The following MYO1C variants were observed in gnomAD, a reference collection of about 807,000 sequenced individuals.
The protein encoded by MYO1C is myosin IC, also known as unconventional myosin-Ic.
A neutral mutation model predicts 150.8 loss-of-function variants in MYO1C; 104 were observed. The observed-to-expected ratio is 0.69, with a 90% CI of 0.59 to 0.81. MYO1C has a LOEUF of 0.81. Ranked by LOEUF, MYO1C falls within the 30% of genes least tolerant of loss-of-function variation. MYO1C has a pLI of 0.00. For missense variants in MYO1C, 1,504 were observed against 1,435.0 expected, an observed-to-expected ratio of 1.05 and a Z score of -0.78; for synonymous variants, 663 against 579.9, an observed-to-expected ratio of 1.14 and a Z score of -2.06.
In MYO1C at chr17:1,482,500, A is replaced by G. The variant is rs374952126; in HGVS notation, c.605T>C (p.Met202Thr). 207 of 1,613,904 alleles carry G rather than the reference A, an allele frequency of 1.3e-4. No individual in the cohort carries two copies. The highest frequency in any genetic ancestry group is 1.6e-4 in the Non-Finnish European group (192 of 1,179,946). Residue 202 changes from methionine to threonine, a missense_variant, in exon 5 of 32, where the codon ATG becomes ACG. Coordinates refer to ENST00000648651, the MANE Select transcript of MYO1C (RefSeq NM_001080779.2). The part of the protein sequence containing the change: ...NDNSSRFGKY[M>T]DVQFDFKGAP... ...TACCTTGAAGTCAAACTGCACATCC[A>G]TGTACTTCCCGAACCTGCTGGAGTT... is the stretch of plus-strand genomic sequence containing the variant.
In MYO1C at chr17:1,472,155, C is replaced by G; in HGVS notation, c.1871G>C (p.Arg624Pro). 6.2e-7 allele frequency: 1 copy of G among 1,614,104 alleles called. No homozygotes were observed. Among genetic ancestry groups the G allele is most frequent in the South Asian group, 1.1e-5 (1 of 91,086 alleles). The change falls in exon 18 of 32, where the codon CGC becomes CCC. Residue 624 changes from arginine (R) to proline (P), a missense_variant. Transcript: ENST00000648651. ...ILQSKEPAYV[R>P]CIKPNDAKQP... ...TTTGGCATCATTGGGTTTGATGCAGCGGACGTAGGCGGGCTCCTTAGACTG... is the reference window on the plus strand; with the variant it reads ...TTTGGCATCATTGGGTTTGATGCAGGGGACGTAGGCGGGCTCCTTAGACTG...
At position 1,483,425 on chromosome 17, in the gene MYO1C, G is replaced by C. The variant is rs1338078696; in HGVS notation, c.347+185C>G. Among the ~76,000 whole-genome samples the C allele has an allele frequency of 2.0e-5, 3 of 152,088 alleles. No individual in the cohort carries two copies. The East Asian group carries it at 5.8e-4, about 29-fold the overall frequency. ...ATGGGTGTGAGTCGGGGTAGGGACT[G>C]AGTCCCACCCACATGGAGCTGAGTT... On this transcript the variant is annotated intron_variant, in intron 3 of 31. Coordinates refer to ENST00000648651, the MANE Select transcript of MYO1C (RefSeq NM_001080779.2).
At chr17:1,485,375 TCC>T in intron 1 of MYO1C, 7 of 160,906 alleles carry the variant, frequency 4.4e-5, no homozygotes, top group Non-Finnish European at 4.6e-5. Context: ...GGCCTGCCCC[TCC>T]CAGGCTTGTC....
At position 1,479,014 on chromosome 17, in the gene MYO1C, G is replaced by A. The variant is rs563141705; in HGVS notation, c.1093-279C>T. 9.9e-5 allele frequency among the ~76,000 whole-genome samples: 15 copies of A among 152,258 alleles called. No individual in the cohort carries two copies. The South Asian group carries it at 3.1e-3, about 32-fold the overall frequency. Reference sequence around the variant, plus strand: ...CCTATGTGACCCTGGCCAGCTCACTGTGCTGCTTCTTTTTTTTGAGACAGA... The same window carrying A: ...CCTATGTGACCCTGGCCAGCTCACTATGCTGCTTCTTTTTTTTGAGACAGA... On this transcript the variant is annotated intron_variant, in intron 9 of 31. Coordinates refer to ENST00000648651, the MANE Select transcript of MYO1C (RefSeq NM_001080779.2). This position sits in a 1 kb window ranked among gnomAD's most constrained non-coding sequence, Gnocchi z 4.2.
chr17:1,469,261 G>C (rs1244429461), intron 25 of MYO1C: 1 of 498,938 alleles, frequency 2.0e-6, no homozygotes, highest in Non-Finnish European at 3.7e-6. Flanking sequence ...GGTAAATACA[G>C]TAGATTGCGG....
chr17:1,467,380 C>T, intron 30 of MYO1C, 39 bp from the exon 31 acceptor site: 1 of 1,599,350 alleles, frequency 6.3e-7, no homozygotes, highest in East Asian at 2.2e-5. Context: ...TCCATGGAGG[C>T]AGACCCCCAA....
chr17:1,484,466 T>C, intron 1 of MYO1C, 163 bp from the exon 2 acceptor site: 1 of 668,820 alleles, frequency 1.5e-6, no homozygotes, highest in Non-Finnish European at 2.5e-6. Flanking sequence ...GCTGAGGGCC[T>C]GGGTGTGGTG....
intron 17 of MYO1C, among the ~76,000 whole-genome samples, chr17:1,474,115 C>T (rs1257152465): frequency 6.6e-6 from 1 of 151,914 alleles, no homozygotes; most frequent in East Asian, 1.9e-4. Flanking sequence ...CCACTATAGA[C>T]ACAGCACACA....
In MYO1C at chr17:1,480,590, CTT is replaced by C. The variant is rs1471385654; in HGVS notation, c.841_842del (p.Lys281GlufsTer2). ...CCTTCCTGACGACCTTCCAGTCACT[CTT>C]GTCGTTGATGGAGGAGACTTTGGCA... Reference protein sequence around the residue: ...QCAKVSSINDKSDWKVVRKAL... With the variant: ...QCAKVSSINDXSDWKVVRKAL... On this transcript the variant is annotated frameshift_variant, in exon 7 of 32. Transcript: ENST00000648651. LOFTEE classifies it high-confidence loss of function. 3.1e-6 allele frequency: 5 copies of C among 1,614,056 alleles called. No homozygotes were observed. The highest frequency in any genetic ancestry group is 2.2e-5 in the East Asian group (1 of 44,896).
In MYO1C at chr17:1,492,562, G is replaced by T; in HGVS notation, c.-75C>A. ...AGCTGCCTGCCCACTGGCGGGCTCCGACCACTCCGGGACCAGGAACCTACG... is the reference window on the plus strand; with the variant it reads ...AGCTGCCTGCCCACTGGCGGGCTCCTACCACTCCGGGACCAGGAACCTACG... On this transcript the variant is annotated 5_prime_UTR_variant, in exon 1 of 32. Transcript: ENST00000648651. The T allele has an allele frequency of 6.5e-6, 9 of 1,393,086 alleles. No individual in the cohort carries two copies. Among genetic ancestry groups the T allele is most frequent in the South Asian group, 1.2e-5 (1 of 81,028 alleles). 86.3% of individuals were successfully genotyped at this position (1,393,086 alleles called of 1,614,324 possible).
intron 1 of MYO1C, chr17:1,485,371 C>G: frequency 3.8e-5 from 6 of 156,106 alleles, no homozygotes; most frequent in Non-Finnish European, 5.7e-5. Flanking sequence ...CGGGGGCCTG[C>G]CCCTCCCAGG....
In MYO1C at chr17:1,468,451, C is replaced by T; in HGVS notation, c.2656G>A (p.Asp886Asn). The change falls in exon 26 of 32, where the codon GAT (aspartate) becomes AAT (asparagine). Residue 886 changes from aspartate (D) to asparagine (N), a missense_variant. Transcript: ENST00000648651. ...CTGGGTACACTCTGAGGGTAATTAT[C>T]CTTCTTGCCCTTGAAGATCTCACTA... ...VASEIFKGKK[D>N]NYPQSVPRLF... 6.2e-7 allele frequency: 1 copy of T among 1,614,006 alleles called. No homozygotes were observed. Among genetic ancestry groups the T allele is most frequent in the Admixed American group, 1.7e-5 (1 of 60,006 alleles).
chr17:1,486,548 C>T (rs548055934), intron 1 of MYO1C, among the ~76,000 whole-genome samples: 6 of 146,652 alleles, frequency 4.1e-5, no homozygotes, highest in African/African-American at 1.5e-4. Context: ...CGGGGTCTTG[C>T]GCTGGCTCCC....
intron 25 of MYO1C, 129 bp downstream of exon 25, chr17:1,469,402 G>T: frequency 4.3e-6 from 4 of 921,554 alleles, no homozygotes; most frequent in East Asian, 2.6e-5. Flanking sequence ...GTAGATCGGG[G>T]TAAATACGGT....
chr17:1,489,039 TG>T (rs764501632), intron 1 of MYO1C, among the ~76,000 whole-genome samples: 5 of 152,106 alleles, frequency 3.3e-5, no homozygotes, highest in African/African-American at 4.8e-5. Flanking sequence ...TGTTGGGGGC[TG>T]GGAGGAGGTG....
At position 1,470,440 on chromosome 17, in the gene MYO1C, G is replaced by A; in HGVS notation, c.2361C>T (p.Ile787=). 1 of 1,550,478 alleles carries A rather than the reference G, an allele frequency of 6.4e-7. No individual in the cohort carries two copies. The highest frequency in any genetic ancestry group is 8.7e-7 in the Non-Finnish European group (1 of 1,147,040). Reference sequence around the variant, plus strand: ...CAAGGCACCCTGGCGCTCACCGCCGGATGGTCTGTGCCGCCCACTTCCTCT... The same window carrying A: ...CAAGGCACCCTGGCGCTCACCGCCGAATGGTCTGTGCCGCCCACTTCCTCT... ...AAKRKWAAQT[I]RRLIRGFVLR... Residue 787 remains isoleucine (I), a synonymous_variant, in exon 23 of 32, where the codon ATC becomes ATT. Coordinates refer to ENST00000648651, the MANE Select transcript of MYO1C (RefSeq NM_001080779.2).
In MYO1C at chr17:1,474,860, T is replaced by C. The variant is rs113636488; in HGVS notation, c.1670-2A>G. On this transcript the variant is annotated splice_acceptor_variant, in intron 15 of 31. Transcript: ENST00000648651. LOFTEE classifies it high-confidence loss of function. ...GGTCATTGTTTTTGTCCAGAAACCC[T>C]GGGAGGGGAGAACCGACGTGAGGTG... 1.2e-6 allele frequency: 2 copies of C among 1,605,276 alleles called. No homozygotes were observed. Among genetic ancestry groups the C allele is most frequent in the East Asian group, 2.3e-5 (1 of 44,332 alleles).
intron 14 of MYO1C, 28 bp downstream of exon 14, chr17:1,477,477 C>G: frequency 6.2e-7 from 1 of 1,600,556 alleles, no homozygotes; most frequent in Non-Finnish European, 8.6e-7. Context: ...TGAGCCCTTG[C>G]CCCCAGCAGC....
At chr17:1,480,253 G>C (rs964318961) in intron 7 of MYO1C, among the ~76,000 whole-genome samples, 2 of 151,478 alleles carry the variant, frequency 1.3e-5, no homozygotes, top group South Asian at 2.1e-4. Flanking sequence ...TCGAGACCAG[G>C]CTGGCCAACA....
Sources: allele counts gnomAD v4.1 joint callset (sites outside exome capture counted in the v4.1 genomes callset), GRCh38; gene constraint gnomAD v4.1.1; non-coding constraint Gnocchi (gnomAD v3.1); transcripts MANE v1.5; gene names NCBI Gene and HGNC (gene_info 2026-07-23, HGNC 2026-07-21).